TET3: variants seen among roughly 807,000 people sequenced by gnomAD.
TET3 encodes the protein methylcytosine dioxygenase TET3.
TET3 carries 19 observed loss-of-function variants against 141.4 expected under a neutral mutation model. The ratio of observed to expected loss-of-function variants is 0.13; its 90% CI spans 0.09 to 0.20. The LOEUF is 0.20. Among genes scored for constraint, TET3 ranks in the 10% least tolerant of loss-of-function variants. The probability of loss-of-function intolerance (pLI) is 1.00; values close to 1 mark genes in which losing one functional copy is unlikely to be tolerated. For missense variants in TET3, 1,874 were observed against 2,356.9 expected (o/e 0.80, Z 4.24); for synonymous variants, 1,043 against 980.9 (o/e 1.06, Z -1.18).
the TET3 span, among the ~76,000 whole-genome samples, chr2:74,116,523 C>CA: frequency 6.6e-6 from 1 of 151,558 alleles, no homozygotes; most frequent in Non-Finnish European, 1.5e-5. Flanking sequence ...ACTAAAAATG[C>CA]AAAAAATTAG....
chr2:74,073,037 T>C (rs1460515888), intron 4 of TET3, among the ~76,000 whole-genome samples: 1 of 152,258 alleles, frequency 6.6e-6, no homozygotes, highest in Non-Finnish European at 1.5e-5. Context: ...TTGTGGTGAA[T>C]AAATGCTGCT....
chr2:74,020,514 G>T (rs1234510075), intron 3 of TET3, among the ~76,000 whole-genome samples: 1 of 152,200 alleles, frequency 6.6e-6, no homozygotes, highest in Non-Finnish European at 1.5e-5. Context: ...GTTTGTAATT[G>T]GGGAATGGCA....
chr2:74,061,819 GA>G (rs1688605280), intron 4 of TET3, among the ~76,000 whole-genome samples: 1 of 120,584 alleles, frequency 8.3e-6, no homozygotes, highest in African/African-American at 3.7e-5. Flanking sequence ...CATCTCAGAC[GA>G]TGGGCGGCCG....
chr2:74,035,220 AAG>A (rs1686982143), intron 3 of TET3, among the ~76,000 whole-genome samples: 1 of 134,476 alleles, frequency 7.4e-6, no homozygotes, highest in Non-Finnish European at 1.6e-5. Flanking sequence ...AAAAAAAAAA[AAG>A]TTATTGGGGC....
chr2:74,134,415 G>A, the TET3 span: 1 of 277,486 alleles, frequency 3.6e-6, no homozygotes, highest in Non-Finnish European at 7.2e-6. Flanking sequence ...TACAAAACGG[G>A]GGCACAATGT....
At chr2:74,108,832 T>TTGA (rs1193481259), downstream of TET3, among the ~76,000 whole-genome samples, 10 of 152,186 alleles carry the variant, frequency 6.6e-5, no homozygotes, top group Admixed American at 5.9e-4. Context: ...AGCCCAGCTG[T>TTGA]TGATAAGGAC....
intron 4 of TET3, among the ~76,000 whole-genome samples, chr2:74,070,936 T>C (rs751892521): frequency 6.6e-6 from 1 of 151,980 alleles, no homozygotes; most frequent in African/African-American, 2.4e-5. Flanking sequence ...GATCATGCCA[T>C]TGCACTCCAA....
At chr2:74,034,795 T>A (rs958450805) in intron 3 of TET3, among the ~76,000 whole-genome samples, 2 of 152,152 alleles carry the variant, frequency 1.3e-5, no homozygotes, top group African/African-American at 2.4e-5. Flanking sequence ...GGAGTCGGAT[T>A]GCTGGGCTGT....
intron 4 of TET3, among the ~76,000 whole-genome samples, chr2:74,069,575 A>G (rs958422015): frequency 3.3e-5 from 5 of 151,318 alleles, no homozygotes; most frequent in African/African-American, 1.2e-4. Flanking sequence ...AGTCACCTCT[A>G]TGCCCTTTCT....
chr2:74,123,103 A>G, the TET3 span: 2 of 152,218 alleles, frequency 1.3e-5, no homozygotes, highest in Non-Finnish European at 2.9e-5. Flanking sequence ...AAGCAAAAAT[A>G]TTGTATATTA....
chr2:74,006,681 G>A (rs1018867144), intron 3 of TET3, among the ~76,000 whole-genome samples: 4 of 152,316 alleles, frequency 2.6e-5, no homozygotes, highest in Admixed American at 6.5e-5. Context: ...TGGCTGGATG[G>A]GGGTGGGGGC....
At chr2:74,126,694 G>A in the TET3 span, among the ~76,000 whole-genome samples, 3 of 151,774 alleles carry the variant, frequency 2.0e-5, no homozygotes, top group Admixed American at 6.6e-5. Context: ...CAGTAGAGAC[G>A]GGGTTTCATC....
chr2:73,987,629 C>G (rs182517957), intron 2 of TET3, among the ~76,000 whole-genome samples: 81 of 152,372 alleles, frequency 5.3e-4, no homozygotes, highest in African/African-American at 1.8e-3. Flanking sequence ...GGCAGTAGAA[C>G]TGGCGCTGGA....
chr2:74,003,229 G>C (rs1463675597), intron 3 of TET3, 63 bp downstream of exon 3: 1 of 1,540,794 alleles, frequency 6.5e-7, no homozygotes, highest in Non-Finnish European at 8.8e-7. Flanking sequence ...TGTTTGACCG[G>C]ATTGGATAAA....
chr2:74,087,515 A>G lies in TET3; in HGVS notation c.2680-315A>G, dbSNP rs752280789. On this transcript the variant is annotated intron_variant, in intron 6 of 11. Transcript: ENST00000409262. This position sits in a 1 kb window ranked among gnomAD's most constrained non-coding sequence, Gnocchi z 4.3. ...GACTGTATTTTGGCTTACAATTTTT[A>G]TCTGTGTATTTTTACTCCTAAGCCT... Among the ~76,000 whole-genome samples the G allele has an allele frequency of 1.3e-5, 2 of 152,192 alleles. No homozygotes were observed. Among genetic ancestry groups the G allele is most frequent in the African/African-American group, 2.4e-5 (1 of 41,458 alleles).
intron 3 of TET3, among the ~76,000 whole-genome samples, chr2:74,023,443 G>A (rs575268770): frequency 2.6e-5 from 4 of 151,984 alleles, no homozygotes; most frequent in South Asian, 4.2e-4. Flanking sequence ...GGGTCTCACT[G>A]TGTTGCCTGA....
At chr2:74,042,330 G>C (rs1267751806) in intron 3 of TET3, among the ~76,000 whole-genome samples, 1 of 152,190 alleles carries the variant, frequency 6.6e-6, no homozygotes, top group Admixed American at 6.5e-5. Flanking sequence ...CCTGACCCCA[G>C]CCTTGGTTTC....
At chr2:73,985,421 G>GCGGCC (rs1020628793) in intron 1 of TET3, among the ~76,000 whole-genome samples, 2 of 144,670 alleles carry the variant, frequency 1.4e-5, no homozygotes, top group Admixed American at 6.8e-5. Context: ...CGGCGCGCGC[G>GCGGCC]CGGCCCGGCC....
At chr2:74,071,290 C>A (rs955753971) in intron 4 of TET3, among the ~76,000 whole-genome samples, 1 of 152,150 alleles carries the variant, frequency 6.6e-6, no homozygotes, top group South Asian at 2.1e-4. Flanking sequence ...CTTCAACATA[C>A]AAATTTGGGA....
Sources: gnomAD v4.1 joint callset for allele counts (sites outside exome capture counted in the v4.1 genomes callset) on GRCh38, gnomAD v4.1.1 for gene constraint, Gnocchi (gnomAD v3.1) non-coding constraint, MANE v1.5 for transcripts, NCBI Gene and HGNC (gene_info 2026-07-23, HGNC 2026-07-21) for gene names.